Variants in DHRS2 observed in about 807,000 individuals in gnomAD.
The protein encoded by DHRS2 is dehydrogenase/reductase SDR family member 2, mitochondrial.
In DHRS2, 29 loss-of-function variants were observed where a neutral mutation model predicts 26.3. The ratio of observed to expected loss-of-function variants is 1.10; its 90% CI spans 0.82 to 1.50. The LOEUF (loss-of-function observed/expected upper bound fraction) is 1.50, where lower values mean the gene tolerates loss of function less well. DHRS2 is among the 40% of genes most tolerant of loss of function. DHRS2 has a pLI of 0.00. For synonymous variants in DHRS2, 164 were observed against 151.3 expected, an observed-to-expected ratio of 1.08 and a Z score of -0.62; for missense variants, 439 against 367.1, an observed-to-expected ratio of 1.20 and a Z score of -1.60.
chr14:23,638,828 C>A lies in DHRS2; in HGVS notation c.-37C>A. On this transcript the variant is annotated splice_region_variant and 5_prime_UTR_variant, in exon 2 of 9. Coordinates refer to ENST00000250383, the MANE Select transcript of DHRS2 (RefSeq NM_005794.4). ...AGTGAAATTGATTCTTTCCCCCAGG[C>A]CTGATTCAGCAGGAAGCATCTCAGA... The A allele has an allele frequency of 1.2e-6, 2 of 1,603,868 alleles. No homozygotes were observed. The highest frequency in any genetic ancestry group is 8.5e-7 in the Non-Finnish European group (1 of 1,173,522).
At chr14:23,639,720 T>G in intron 3 of DHRS2, 74 bp from the exon 4 acceptor site, 1 of 1,463,842 alleles carries the variant, frequency 6.8e-7, no homozygotes, top group East Asian at 2.5e-5. Context: ...CTGAAGGCCT[T>G]ATGACCTGGG....
rs754590049 is a variant in DHRS2 at position 23,643,192 on chromosome 14, G to A, written c.461G>A (p.Ser154Asn). The A allele has an allele frequency of 1.9e-6, 3 of 1,614,066 alleles. No individual in the cohort carries two copies. Among genetic ancestry groups the A allele is most frequent in the South Asian group, 2.2e-5 (2 of 91,064 alleles). ...VNVKSPALLL[S>N]QLLPYMENRR... ...GTGAAGTCCCCAGCCCTGCTGCTGA[G>A]CCAGTTGCTGCCCTACATGGAGAAC... The change falls in exon 5 of 9, where the codon AGC (serine) becomes AAC (asparagine). Residue 154 changes from serine to asparagine, a missense_variant. By Grantham distance (46) the Ser-to-Asn change is conservative (BLOSUM62 1). Transcript: ENST00000250383.
chr14:23,637,098 G>A (rs1890343076), intron 1 of DHRS2, among the ~76,000 whole-genome samples: 2 of 152,134 alleles, frequency 1.3e-5, no homozygotes, highest in South Asian at 4.1e-4. Flanking sequence ...ACTCTCAAAG[G>A]CATGTTGCCC....
upstream of DHRS2, among the ~76,000 whole-genome samples, chr14:23,635,481 C>T (rs1287412048): frequency 6.6e-6 from 1 of 152,156 alleles, no homozygotes; most frequent in African/African-American, 2.4e-5. Flanking sequence ...CTCCTGTCTG[C>T]AGGATGCAAG....
At chr14:23,641,824 TG>T in intron 4 of DHRS2, 1 of 1,264,196 alleles carries the variant, frequency 7.9e-7, no homozygotes, top group East Asian at 5.6e-5. Context: ...GGAGTGAGAT[TG>T]GGGGGTGGAA....
intron 1 of DHRS2, chr14:23,638,154 C>A (rs758390841): frequency 1.3e-5 from 2 of 153,120 alleles, no homozygotes; most frequent in East Asian, 3.8e-4. Context: ...CAACTCCAGA[C>A]GCACTGCCTT....
In DHRS2 at chr14:23,645,476, G is replaced by C. The variant is rs1890842136; in HGVS notation, c.*223G>C. 1 of 890,594 alleles carries C rather than the reference G, an allele frequency of 1.1e-6. No homozygotes were observed. The highest frequency in any genetic ancestry group is 1.7e-6 in the Non-Finnish European group (1 of 606,034). 55.2% of individuals were successfully genotyped at this position (890,594 alleles called of 1,614,324 possible). ...GATCCAATTAACATGTGGGGTTCTT[G>C]GTGTGGGTCTGGGGAGCTGAAGGAT... On this transcript the variant is annotated 3_prime_UTR_variant, in exon 9 of 9. Coordinates refer to ENST00000250383, the MANE Select transcript of DHRS2 (RefSeq NM_005794.4).
intron 4 of DHRS2, chr14:23,640,332 C>G: frequency 1.0e-6 from 1 of 985,542 alleles, no homozygotes; most frequent in Non-Finnish European, 1.2e-6. Flanking sequence ...CGGAGACTGT[C>G]TCTCCTAGAA....
At position 23,637,530 on chromosome 14, in the gene DHRS2, T is replaced by A. The variant is rs181873697; in HGVS notation, c.-39+758T>A. 3.1e-3 allele frequency among the ~76,000 whole-genome samples: 469 copies of A among 152,282 alleles called. 2 individuals carry two copies. Among genetic ancestry groups the A allele is most frequent in the African/African-American group, 0.011 (453 of 41,546 alleles). On this transcript the variant is annotated intron_variant, in intron 1 of 8. Coordinates refer to ENST00000250383, the MANE Select transcript of DHRS2 (RefSeq NM_005794.4). ...CAACCCTGGAGACCCCTTCCCTCCC[T>A]CAGGTTACTCTTCTTCATTTTTGGG...
At chr14:23,635,671 C>T (rs1890252907), upstream of DHRS2, among the ~76,000 whole-genome samples, 1 of 152,270 alleles carries the variant, frequency 6.6e-6, no homozygotes, top group Admixed American at 6.5e-5. Flanking sequence ...CTCTTGGTGC[C>T]TCCTCGTCCT....
chr14:23,640,484 C>T (rs1275073696), intron 4 of DHRS2: 5 of 973,406 alleles, frequency 5.1e-6, no homozygotes, highest in Non-Finnish European at 6.1e-6. Flanking sequence ...CGGGAGAGAC[C>T]TTGTAAAATG....
chr14:23,643,990 G>A, intron 5 of DHRS2, 121 bp from the exon 6 acceptor site: 1 of 991,586 alleles, frequency 1.0e-6, no homozygotes, highest in South Asian at 1.3e-5. Context: ...CTCTGAGATG[G>A]GGACAGTAAT....
intron 4 of DHRS2, 85 bp from the exon 5 acceptor site, chr14:23,643,067 T>G (rs1890732313): frequency 7.1e-7 from 1 of 1,401,246 alleles, no homozygotes; most frequent in East Asian, 2.3e-5. Flanking sequence ...ACTGCACAAA[T>G]TACAGGGCTC....
intron 3 of DHRS2, 68 bp downstream of exon 3, chr14:23,639,424 C>T (rs1016305207): frequency 3.4e-6 from 5 of 1,480,022 alleles, no homozygotes; most frequent in Admixed American, 2.6e-5. Flanking sequence ...ACTGCTTGGC[C>T]CTTGTGGGGT....
At chr14:23,643,063 C>G in intron 4 of DHRS2, 89 bp from the exon 5 acceptor site, 1 of 1,368,668 alleles carries the variant, frequency 7.3e-7, no homozygotes, top group Non-Finnish European at 1.0e-6. Context: ...GTCTACTGCA[C>G]AAATTACAGG....
At chr14:23,642,939 C>G (rs1890726440) in intron 4 of DHRS2, 2 of 527,448 alleles carry the variant, frequency 3.8e-6, no homozygotes, top group Non-Finnish European at 3.4e-6. Context: ...TTTCAGGGCT[C>G]TGCTCACAGG....
In DHRS2 at chr14:23,644,865, ACAT is replaced by A; in HGVS notation, c.720_722del (p.His240del). ...AGTCTCTCTGGAAGAACTTCAAGGAACATCATCAGCTGCAGAGGCAAGTGGGGT... is the reference window on the plus strand; with the variant it reads ...AGTCTCTCTGGAAGAACTTCAAGGAACATCAGCTGCAGAGGCAAGTGGGGT... On this transcript the variant is annotated inframe_deletion, in exon 8 of 9. Transcript: ENST00000250383. The A allele has an allele frequency of 6.2e-7, 1 of 1,614,214 alleles. No homozygotes were observed. Among genetic ancestry groups the A allele is most frequent in the Non-Finnish European group, 8.5e-7 (1 of 1,180,026 alleles).
chr14:23,638,792 C>T, intron 1 of DHRS2, 35 bp from the exon 2 acceptor site: 1 of 1,561,650 alleles, frequency 6.4e-7, no homozygotes, highest in Non-Finnish European at 8.7e-7. Flanking sequence ...CTCACTGAGG[C>T]ATCAGTGATA....
chr14:23,640,124 T>C, intron 4 of DHRS2: 1 of 711,348 alleles, frequency 1.4e-6, no homozygotes, highest in Non-Finnish European at 1.9e-6. Flanking sequence ...TTGTTTTCTC[T>C]TCTCATCACT....
Sources: allele counts gnomAD v4.1 joint callset (sites outside exome capture counted in the v4.1 genomes callset), GRCh38; gene constraint gnomAD v4.1.1; transcripts MANE v1.5; gene names NCBI Gene and HGNC (gene_info 2026-07-23, HGNC 2026-07-21).